The following SNTG1 variants were observed in gnomAD, a reference collection of about 807,000 sequenced individuals.
The protein encoded by SNTG1 is syntrophin gamma 1.
In SNTG1, 39 loss-of-function variants were observed where a neutral mutation model predicts 74.7. That is an observed-to-expected ratio of 0.52 (90% CI 0.40 to 0.68). The LOEUF is 0.68. SNTG1 is among the 30% of genes least tolerant of loss of function. The probability of loss-of-function intolerance (pLI) is 0.00; values close to 1 mark genes in which losing one functional copy is unlikely to be tolerated. For missense variants in SNTG1, 685 were observed against 609.5 expected (o/e 1.12, Z -1.30); for synonymous variants, 254 against 217.1 (o/e 1.17, Z -1.49).
Position 50,567,092 on chromosome 8 carries a change from A to G in SNTG1, c.810+13913A>G, listed in dbSNP as rs76239498. Among the ~76,000 whole-genome samples, 347 of 152,240 alleles carry G rather than the reference A, an allele frequency of 2.3e-3. 7 individuals are homozygous for G. The East Asian group carries it at 0.032, about 14-fold the overall frequency. On this transcript the variant is annotated intron_variant, in intron 12 of 18. Coordinates refer to ENST00000642720, the MANE Select transcript of SNTG1 (RefSeq NM_018967.5). ...ATAGTCTTTGGGATTCTCAAGAATCATTATTTGGGTAATAGAATGTTGATG... is the reference window on the plus strand; with the variant it reads ...ATAGTCTTTGGGATTCTCAAGAATCGTTATTTGGGTAATAGAATGTTGATG...
intron 15 of SNTG1, among the ~76,000 whole-genome samples, chr8:50,689,830 C>G (rs1044321281): frequency 6.6e-6 from 1 of 152,164 alleles, no homozygotes; most frequent in Non-Finnish European, 1.5e-5. Flanking sequence ...ATGGTACCAG[C>G]TCCTCTTTGT....
intron 1 of SNTG1, among the ~76,000 whole-genome samples, chr8:50,026,575 T>G (rs1021823367): frequency 1.3e-5 from 2 of 152,104 alleles, no homozygotes; most frequent in Admixed American, 1.3e-4. Flanking sequence ...ATTTATGAGT[T>G]TAAGGATGGT....
chr8:49,997,729 T>C (rs1162918019), intron 1 of SNTG1, among the ~76,000 whole-genome samples: 1 of 152,210 alleles, frequency 6.6e-6, no homozygotes, highest in Non-Finnish European at 1.5e-5. Context: ...TTACTCCTTC[T>C]TAGACTTTTT....
chr8:50,693,089 T>A (rs2095389261), intron 15 of SNTG1, among the ~76,000 whole-genome samples: 1 of 152,192 alleles, frequency 6.6e-6, no homozygotes, highest in South Asian at 2.1e-4. Context: ...GCCCTTTTTT[T>A]AAGCCCATTG....
At position 50,382,682 on chromosome 8, in the gene SNTG1, T is replaced by C. The variant is rs567282977; in HGVS notation, c.-27-11530T>C. ...AGAAATATGCTCTTTTAGTCAATTA[T>C]TATCACAAAATATTACACAATAAAA... On this transcript the variant is annotated intron_variant, in intron 2 of 18. Transcript: ENST00000642720. Among the ~76,000 whole-genome samples, 549 of 152,320 alleles carry C rather than the reference T, an allele frequency of 3.6e-3. 3 individuals carry two copies. Among genetic ancestry groups the C allele is most frequent in the African/African-American group, 0.012 (488 of 41,580 alleles).
At chr8:50,215,271 A>G (rs992445707) in intron 2 of SNTG1, among the ~76,000 whole-genome samples, 3 of 151,940 alleles carry the variant, frequency 2.0e-5, no homozygotes, top group African/African-American at 7.2e-5. Flanking sequence ...TTATAATAAA[A>G]GTTAAAATAT....
intron 4 of SNTG1, among the ~76,000 whole-genome samples, chr8:50,417,726 G>C (rs1244773128): frequency 6.6e-6 from 1 of 152,006 alleles, no homozygotes; most frequent in Non-Finnish European, 1.5e-5. Context: ...TGATGCCCTT[G>C]CTTCCTCCTT....
intron 13 of SNTG1, among the ~76,000 whole-genome samples, chr8:50,636,333 C>A (rs887216028): frequency 6.6e-6 from 1 of 151,878 alleles, no homozygotes; most frequent in Non-Finnish European, 1.5e-5. Flanking sequence ...TGGCTTTGAG[C>A]CCAGCAGAGC....
intron 1 of SNTG1, among the ~76,000 whole-genome samples, chr8:50,084,651 T>C (rs918421443): frequency 3.9e-5 from 6 of 152,322 alleles, no homozygotes; most frequent in African/African-American, 1.4e-4. Flanking sequence ...TTGCAATATG[T>C]TACATGTGCT....
At chr8:50,714,892 C>T (rs1315122244) in intron 17 of SNTG1, among the ~76,000 whole-genome samples, 1 of 151,940 alleles carries the variant, frequency 6.6e-6, no homozygotes, top group African/African-American at 2.4e-5. Context: ...CCCTCAATGA[C>T]TCATTATAGA....
At chr8:50,538,658 C>T (rs2094325044) in intron 11 of SNTG1, among the ~76,000 whole-genome samples, 1 of 151,836 alleles carries the variant, frequency 6.6e-6, no homozygotes, top group Non-Finnish European at 1.5e-5. Context: ...TATGTTGGCA[C>T]ATATTTCTTT....
At chr8:50,708,308 A>G (rs1262176679) in intron 16 of SNTG1, 1 of 153,348 alleles carries the variant, frequency 6.5e-6, no homozygotes, top group Non-Finnish European at 1.5e-5. Context: ...AAACAAATAA[A>G]TTGGAAAGTG....
At chr8:50,474,385 A>G (rs2093678554) in intron 8 of SNTG1, among the ~76,000 whole-genome samples, 1 of 151,944 alleles carries the variant, frequency 6.6e-6, no homozygotes, top group Non-Finnish European at 1.5e-5. Flanking sequence ...ACAAGAAAAA[A>G]AAAAAACAAC....
chr8:50,250,182 A>G (rs1277826835), intron 2 of SNTG1, among the ~76,000 whole-genome samples: 2 of 151,932 alleles, frequency 1.3e-5, no homozygotes, highest in Non-Finnish European at 2.9e-5. Context: ...TAAAAATACA[A>G]TAGAGAGTTT....
chr8:50,632,841 G>T (rs12542270), intron 13 of SNTG1, among the ~76,000 whole-genome samples: 91,092 of 151,984 alleles, frequency 0.6, 29,978 homozygotes, highest in East Asian at 0.76. Context: ...CTATTTGCAG[G>T]CCCAAGATGT....
At chr8:50,588,096 G>A (rs1478500033) in intron 12 of SNTG1, among the ~76,000 whole-genome samples, 2 of 151,496 alleles carry the variant, frequency 1.3e-5, no homozygotes, top group Non-Finnish European at 2.9e-5. Context: ...CTACAGCCTG[G>A]GTGACAGAAT....
chr8:49,969,385 A>ATATTTTTTTTTTTTTTTTT lies in SNTG1; in HGVS notation c.-103+57155_-103+57156insATTTTTTTTTTTTTTTTTT, dbSNP rs1811434626. On this transcript the variant is annotated intron_variant, in intron 1 of 18. Coordinates refer to ENST00000642720, the MANE Select transcript of SNTG1 (RefSeq NM_018967.5). ...GCAAATACACATTTTAATTCATTTA[A>ATATTTTTTTTTTTTTTTTT]TCTTTTTTTTTTTTTTTTTTTTTTT... 9.4e-5 allele frequency among the ~76,000 whole-genome samples: 11 copies of ATATTTTTTTTTTTTTTTTT among 116,628 alleles called. 4 individuals carry two copies. The highest frequency in any genetic ancestry group is 1.2e-4 in the Non-Finnish European group (7 of 58,524). The allele number at this position is 116,628 out of a possible 152,430, so 76.5% of individuals were successfully genotyped here.
chr8:49,975,090 G>A (rs1038370694), intron 1 of SNTG1, among the ~76,000 whole-genome samples: 10 of 152,108 alleles, frequency 6.6e-5, no homozygotes, highest in Admixed American at 2.0e-4. Flanking sequence ...CTCAATGGGC[G>A]AATCATGGCT....
At chr8:50,028,736 A>AT (rs1487999582) in intron 1 of SNTG1, among the ~76,000 whole-genome samples, 9 of 151,890 alleles carry the variant, frequency 5.9e-5, no homozygotes, top group Admixed American at 5.3e-4. Flanking sequence ...AACTTAAAGT[A>AT]TAAAAAAAAA....
Sources: allele counts gnomAD v4.1 joint callset (sites outside exome capture counted in the v4.1 genomes callset), GRCh38; gene constraint gnomAD v4.1.1; transcripts MANE v1.5; gene names NCBI Gene and HGNC (gene_info 2026-07-23, HGNC 2026-07-21).